OLAH: variants seen among roughly 807,000 people sequenced by gnomAD.
OLAH encodes S-acyl fatty acid synthase thioesterase, medium chain.
Under a neutral mutation model 27.8 loss-of-function variants are expected in OLAH, and 33 were observed. That is an observed-to-expected ratio of 1.19 (90% CI 0.90 to 1.59). The LOEUF (loss-of-function observed/expected upper bound fraction) is 1.59. OLAH is among the 40% of genes most tolerant of loss of function. The pLI is 0.00. For synonymous variants in OLAH, 120 were observed against 102.9 expected (o/e 1.17, Z -1.01); for missense variants, 359 against 310.8 (o/e 1.16, Z -1.17).
At chr10:15,058,992 C>T (rs1844303749) in intron 3 of OLAH, among the ~76,000 whole-genome samples, 1 of 130,200 alleles carries the variant, frequency 7.7e-6, no homozygotes, top group Non-Finnish European at 1.7e-5. Flanking sequence ...TCCCTCTCTC[C>T]TTCCCTCTCT....
In OLAH at chr10:15,051,298, T is replaced by C. The variant is rs73600496; in HGVS notation, c.163+1533T>C. Among the ~76,000 whole-genome samples, 889 of 152,276 alleles carry C rather than the reference T, an allele frequency of 5.8e-3. 9 individuals carry two copies. Among genetic ancestry groups the C allele is most frequent in the African/African-American group, 0.02 (837 of 41,566 alleles). On this transcript the variant is annotated intron_variant, in intron 3 of 7. Coordinates refer to ENST00000378228, the MANE Select transcript of OLAH (RefSeq NM_001039702.3). ...ATAGTCTTTACTAAATTCACATTGT[T>C]AACAATCAGAATTCTTAACAATTCT...
intron 3 of OLAH, among the ~76,000 whole-genome samples, chr10:15,060,753 TG>T (rs1844346602): frequency 6.6e-6 from 1 of 152,192 alleles, no homozygotes; most frequent in South Asian, 2.1e-4. Context: ...TTCTTACGTT[TG>T]ATGCTCTCCC....
chr10:15,042,788 G>A (rs1195261568), upstream of OLAH, among the ~76,000 whole-genome samples: 2 of 147,680 alleles, frequency 1.4e-5, no homozygotes, highest in Non-Finnish European at 3.0e-5. Context: ...GGGGTGAAAA[G>A]CATAGTTTCT....
chr10:15,034,903 G>A (rs7075912), intron 1 of OLAH, among the ~76,000 whole-genome samples: 2,341 of 150,852 alleles, frequency 0.016, 52 homozygotes, highest in African/African-American at 0.051. Flanking sequence ...CCGGGTTCAA[G>A]CGATTCTCCT....
intron 6 of OLAH, 131 bp downstream of exon 6, chr10:15,065,884 G>C (rs1424182531): frequency 1.3e-6 from 1 of 743,104 alleles, no homozygotes; most frequent in African/African-American, 1.8e-5. Context: ...TTCCTTTGGG[G>C]CCACCTATGG....
At chr10:15,064,752 G>C (rs1844434261) in intron 5 of OLAH, among the ~76,000 whole-genome samples, 1 of 152,162 alleles carries the variant, frequency 6.6e-6, no homozygotes, top group South Asian at 2.1e-4. Flanking sequence ...CTGCTTACTG[G>C]GTTCAAGAGA....
chr10:15,067,364 T>C (rs771864833), intron 6 of OLAH, among the ~76,000 whole-genome samples: 5 of 142,320 alleles, frequency 3.5e-5, no homozygotes, highest in Non-Finnish European at 7.5e-5. Context: ...CTGTGTCTCA[T>C]CTCATCAAAG....
rs767933068 is a variant in OLAH, at chr10:15,049,682, T to C, written c.80T>C (p.Phe27Ser). Residue 27 changes from phenylalanine (F) to serine (S), a missense_variant, in exon 3 of 8, where the codon TTT becomes TCT. By Grantham distance (155) the Phe-to-Ser change is radical. Transcript: ENST00000378228. ...TTATACAAAAACCCTGAGGCAACTT[T>C]TAAGCTGATTTGCTTTCCCTGGATG... The part of the protein sequence containing the change: ...NCLYKNPEAT[F>S]KLICFPWMGG... 1.9e-6 allele frequency: 3 copies of C among 1,608,962 alleles called. No individual in the cohort carries two copies. The Admixed American group carries it at 5.2e-5, about 28-fold the overall frequency.
chr10:15,051,391 G>C (rs761906456), intron 3 of OLAH, among the ~76,000 whole-genome samples: 4 of 152,228 alleles, frequency 2.6e-5, no homozygotes, highest in Non-Finnish European at 5.9e-5. Context: ...GGAGAGCCAT[G>C]ACTGATTTAA....
chr10:15,032,930 T>C (rs941553083), intron 1 of OLAH, among the ~76,000 whole-genome samples: 1 of 152,160 alleles, frequency 6.6e-6, no homozygotes, highest in Admixed American at 6.6e-5. Flanking sequence ...TGGAGTGCAG[T>C]GGTGCAATCT....
chr10:15,049,636 A>C lies in OLAH; in HGVS notation c.34A>C (p.Asn12His), dbSNP rs1448305402. The C allele has an allele frequency of 1.9e-6, 3 of 1,577,298 alleles. No individual in the cohort carries two copies. In the African/African-American group the frequency reaches 4.1e-5, roughly 22 times the overall value. ...ERGDQPKRTRNENIFNCLYKN... is the reference protein window; with the variant it reads ...ERGDQPKRTRHENIFNCLYKN... ...AATATATTTGAATTTTCTCCCTAGG[A>C]ATGAAAACATTTTCAACTGCTTATA... The change falls in exon 3 of 8, where the codon AAT becomes CAT. Residue 12 changes from asparagine (N) to histidine (H), a missense_variant and splice_region_variant. Physicochemically the swap from Asn to His is moderately conservative, Grantham distance 68. Transcript: ENST00000378228.
chr10:15,040,712 C>T (rs998025894), upstream of OLAH, among the ~76,000 whole-genome samples: 2 of 152,102 alleles, frequency 1.3e-5, no homozygotes, highest in Non-Finnish European at 2.9e-5. Flanking sequence ...ATAGGAATTC[C>T]TTGTTCATTC....
intron 3 of OLAH, among the ~76,000 whole-genome samples, chr10:15,052,899 T>G (rs879421469): frequency 1.3e-5 from 2 of 151,810 alleles, no homozygotes; most frequent in African/African-American, 4.8e-5. Context: ...TGCACCACCA[T>G]GGCTGGCTAA....
chr10:15,062,986 G>A (rs1188931891), intron 4 of OLAH, among the ~76,000 whole-genome samples: 2 of 152,094 alleles, frequency 1.3e-5, no homozygotes. Flanking sequence ...TGATCCACTT[G>A]CCTTGGCCTG....
upstream of OLAH, among the ~76,000 whole-genome samples, chr10:15,039,351 G>A (rs758141813): frequency 1.3e-5 from 2 of 152,128 alleles, no homozygotes; most frequent in Non-Finnish European, 2.9e-5. Flanking sequence ...GCCAAGGCAG[G>A]TAGATCACCT....
chr10:15,042,985 C>T (rs995928498), upstream of OLAH, among the ~76,000 whole-genome samples: 10 of 151,334 alleles, frequency 6.6e-5, no homozygotes, highest in East Asian at 3.9e-4. Context: ...CTCAGCCTCC[C>T]GAGTAGCTGG....
At chr10:15,036,484 C>T (rs1006221456) in intron 1 of OLAH, among the ~76,000 whole-genome samples, 2 of 151,878 alleles carry the variant, frequency 1.3e-5, no homozygotes, top group South Asian at 2.1e-4. Context: ...GCAACAAAAG[C>T]GAGACTCTAT....
At chr10:15,065,443 T>A in intron 5 of OLAH, 141 bp from the exon 6 acceptor site, 3 of 811,882 alleles carry the variant, frequency 3.7e-6, no homozygotes, top group Non-Finnish European at 3.7e-6. Flanking sequence ...AACGACATAG[T>A]TCTTTCCTGA....
At chr10:15,067,509 T>A (rs1254483121) in intron 6 of OLAH, among the ~76,000 whole-genome samples, 2 of 151,388 alleles carry the variant, frequency 1.3e-5, no homozygotes, top group South Asian at 2.1e-4. Flanking sequence ...AACCAATGAG[T>A]TTTTTCACTC....
Sources: allele counts gnomAD v4.1 joint callset (sites outside exome capture counted in the v4.1 genomes callset), GRCh38; gene constraint gnomAD v4.1.1; transcripts MANE v1.5; gene names NCBI Gene and HGNC (gene_info 2026-07-23, HGNC 2026-07-21).